The following CCDC80 variants were observed in gnomAD, a reference collection of about 807,000 sequenced individuals.
CCDC80 encodes coiled-coil domain containing 80.
A neutral mutation model predicts 78.7 loss-of-function variants in CCDC80; 49 were observed. The observed-to-expected ratio is 0.62, with a 90% CI of 0.50 to 0.79. The LOEUF (loss-of-function observed/expected upper bound fraction) is 0.79. Ranked by LOEUF, CCDC80 falls within the 30% of genes least tolerant of loss-of-function variation. The pLI, the probability that CCDC80 is intolerant of heterozygous loss-of-function variation, is 0.00. For missense variants in CCDC80, 1,205 were observed against 1,198.6 expected (o/e 1.01, Z -0.08); for synonymous variants, 488 against 447.0 (o/e 1.09, Z -1.16).
At chr3:112,616,449 G>GAAAAAAAAAAAAAAAAA (rs59366104) in intron 5 of CCDC80, among the ~76,000 whole-genome samples, 50 of 133,588 alleles carry the variant, frequency 3.7e-4, no homozygotes, top group East Asian at 4.5e-4. Flanking sequence ...AAAAAGAAAA[G>GAAAAAAAAAAAAAAAAA]AAAAAAAAAA....
rs1559871803 is a variant in CCDC80 at position 112,599,564 on chromosome 3, G to GT, written c.*5852dup. ...GAAACGAACAGAGAAACGAACAGAG[G>GT]TTTTTTCCAAGGGCCTTCTATTTTT... On this transcript the variant is annotated 3_prime_UTR_variant, in exon 8 of 8. Transcript: ENST00000206423. 1 of 152,290 alleles carries GT rather than the reference G, an allele frequency of 6.6e-6. No individual in the cohort carries two copies. The highest frequency in any genetic ancestry group is 1.5e-5 in the Non-Finnish European group (1 of 68,180). 9.4% of individuals were successfully genotyped at this position (152,290 alleles called of 1,614,324 possible). A position where few individuals can be genotyped will look rare whatever the true frequency, so the allele number is the denominator to read the frequency against.
chr3:112,610,388 C>T (rs1198643380), intron 5 of CCDC80: 2 of 390,112 alleles, frequency 5.1e-6, no homozygotes, highest in Admixed American at 7.5e-5. Flanking sequence ...GCAATGAAGA[C>T]AGGCCAAAAT....
chr3:112,633,317 G>A (rs1334772530), intron 2 of CCDC80, among the ~76,000 whole-genome samples: 1 of 151,876 alleles, frequency 6.6e-6, no homozygotes, highest in African/African-American at 2.4e-5. Flanking sequence ...ACCTGCCCCC[G>A]CCCTTCTCTA....
At chr3:112,624,528 A>G (rs2107485530) in intron 3 of CCDC80, among the ~76,000 whole-genome samples, 1 of 152,266 alleles carries the variant, frequency 6.6e-6, no homozygotes, top group Admixed American at 6.5e-5. Context: ...TTACTTTGCA[A>G]TTGATCTGCT....
intron 3 of CCDC80, among the ~76,000 whole-genome samples, chr3:112,625,931 A>G (rs943614397): frequency 6.6e-6 from 1 of 152,192 alleles, no homozygotes; most frequent in Non-Finnish European, 1.5e-5. Flanking sequence ...AAGAAAAAAA[A>G]CCTACTCATT....
At chr3:112,621,385 A>G (rs1186212217) in intron 3 of CCDC80, among the ~76,000 whole-genome samples, 2 of 152,126 alleles carry the variant, frequency 1.3e-5, no homozygotes, top group African/African-American at 4.8e-5. Context: ...CTGACAGCCC[A>G]CTGACCCCCA....
At position 112,618,933 on chromosome 3, in the gene CCDC80, A is replaced by G. The variant is rs777834245; in HGVS notation, c.2172+35T>C. 3.1e-6 allele frequency: 5 copies of G among 1,596,832 alleles called. No homozygotes were observed. In the South Asian group the frequency reaches 5.6e-5, roughly 18 times the overall value. ...ACAATTCAGATTTGCTATTCTAAGA[A>G]ATAGTACTACATTATTCAGAATAAG... On this transcript the variant is annotated intron_variant, in intron 4 of 7. Transcript: ENST00000206423.
intron 2 of CCDC80, among the ~76,000 whole-genome samples, chr3:112,634,900 T>C (rs1936174975): frequency 6.6e-6 from 1 of 152,240 alleles, no homozygotes; most frequent in African/African-American, 2.4e-5. Flanking sequence ...TTGGGTAACT[T>C]CAGGTTCTGT....
chr3:112,615,679 T>A (rs1387454249), intron 5 of CCDC80, among the ~76,000 whole-genome samples: 1 of 151,958 alleles, frequency 6.6e-6, no homozygotes, highest in African/African-American at 2.4e-5. Context: ...AAAATACAGG[T>A]CATAAAGACC....
At chr3:112,628,072 G>A (rs1389547698) in intron 3 of CCDC80, among the ~76,000 whole-genome samples, 19 of 152,148 alleles carry the variant, frequency 1.2e-4, no homozygotes, top group Admixed American at 1.2e-3. Context: ...AGTGTTGGTA[G>A]GTAACACATT....
rs572000729 is a variant in CCDC80 at position 112,639,159 on chromosome 3, T to C, written c.747A>G (p.Pro249=). 1.7e-5 allele frequency: 28 copies of C among 1,614,134 alleles called. No individual in the cohort carries two copies. Among genetic ancestry groups the C allele is most frequent in the Non-Finnish European group, 2.2e-5 (26 of 1,180,022 alleles). Reference sequence around the variant, plus strand: ...ACATGGCTTCCAGCCTAACGGGATATGGATAGCGCTCCTCCACCTGCAGCG... The same window carrying C: ...ACATGGCTTCCAGCCTAACGGGATACGGATAGCGCTCCTCCACCTGCAGCG... The part of the protein sequence containing the change: ...KKTLQVEERY[P]YPVRLEAMYE... The change falls in exon 2 of 8, where the codon CCA becomes CCG. Residue 249 remains proline, a synonymous_variant. Transcript: ENST00000206423.
At chr3:112,633,962 G>A (rs1183522185) in intron 2 of CCDC80, among the ~76,000 whole-genome samples, 1 of 152,188 alleles carries the variant, frequency 6.6e-6, no homozygotes, top group African/African-American at 2.4e-5. Flanking sequence ...TTAGACCTGT[G>A]TTGTATTTCT....
chr3:112,609,016 G>T (rs1935570017), intron 6 of CCDC80, among the ~76,000 whole-genome samples: 1 of 152,072 alleles, frequency 6.6e-6, no homozygotes, highest in Admixed American at 6.6e-5. Context: ...CCTAATAGAG[G>T]CATCAAAATA....
At chr3:112,621,118 G>A (rs1363762003) in intron 3 of CCDC80, among the ~76,000 whole-genome samples, 1 of 152,054 alleles carries the variant, frequency 6.6e-6, no homozygotes, top group Non-Finnish European at 1.5e-5. Context: ...CTATACCTAT[G>A]CCCAGTAACT....
rs1207689234 is a variant in CCDC80, at chr3:112,639,605, C to A, written c.301G>T (p.Ala101Ser). ...GCTGGTCTTTGCTCAGGTCTCACGG[C>A]GGCCCCATTGATGTCCGAGCGGGCT... Reference protein sequence around the residue: ...PPARSDINGAAVRPEQRPAAR... With the variant: ...PPARSDINGASVRPEQRPAAR... The change falls in exon 2 of 8, where the codon GCC (alanine) becomes TCC (serine). Residue 101 changes from alanine to serine, a missense_variant. By Grantham distance (99) the Ala-to-Ser change is moderately conservative (BLOSUM62 1). Transcript: ENST00000206423. 1.9e-6 allele frequency: 3 copies of A among 1,614,146 alleles called. No homozygotes were observed. Among genetic ancestry groups the A allele is most frequent in the South Asian group, 1.1e-5 (1 of 91,084 alleles).
At position 112,638,073 on chromosome 3, in the gene CCDC80, T is replaced by G. The variant is rs1442706940; in HGVS notation, c.1833A>C (p.Ser611=). The G allele has an allele frequency of 1.2e-6, 2 of 1,610,232 alleles. No individual in the cohort carries two copies. The highest frequency in any genetic ancestry group is 1.1e-5 in the South Asian group (1 of 89,844). Reference sequence around the variant, plus strand: ...CAAAGGACCCCAGCAGGTCGGCCACTGACTTCTTGGGACTCTGCGTGAAGT... The same window carrying G: ...CAAAGGACCCCAGCAGGTCGGCCACGGACTTCTTGGGACTCTGCGTGAAGT... ...NKHFTQSPKK[S]VADLLGSFEG... The change falls in exon 2 of 8, where the codon TCA becomes TCC. Residue 611 remains serine (S), a synonymous_variant. Coordinates refer to ENST00000206423, the MANE Select transcript of CCDC80 (RefSeq NM_199511.3).
Position 112,641,026 on chromosome 3 carries a change from A to G in CCDC80, c.-711T>C, listed in dbSNP as rs947603927. ...CAGTTTTGCTCCAAACCAAACTCAA[A>G]CAACAGCAGCCACTGGAAATCAAGG... On this transcript the variant is annotated 5_prime_UTR_variant, in exon 1 of 8. Transcript: ENST00000206423. 2 of 152,174 alleles carry G rather than the reference A, an allele frequency of 1.3e-5. No homozygotes were observed. The highest frequency in any genetic ancestry group is 2.9e-5 in the Non-Finnish European group (2 of 68,040). The allele number at this position is 152,174 out of a possible 1,614,324, so 9.4% of individuals were successfully genotyped here.
chr3:112,609,369 A>G (rs1935576034), intron 6 of CCDC80, among the ~76,000 whole-genome samples: 1 of 152,124 alleles, frequency 6.6e-6, no homozygotes, highest in African/African-American at 2.4e-5. Context: ...AAAACAGTAA[A>G]CTATGTTTTT....
chr3:112,611,248 G>C (rs1016065313), intron 5 of CCDC80, among the ~76,000 whole-genome samples: 1 of 152,142 alleles, frequency 6.6e-6, no homozygotes, highest in African/African-American at 2.4e-5. Flanking sequence ...GCAGTATGTT[G>C]TTCACAGGAA....
Sources: gnomAD v4.1 joint callset for allele counts (sites outside exome capture counted in the v4.1 genomes callset) on GRCh38, gnomAD v4.1.1 for gene constraint, MANE v1.5 for transcripts, NCBI Gene and HGNC (gene_info 2026-07-23, HGNC 2026-07-21) for gene names.